IL31RA: variants seen among roughly 807,000 people sequenced by gnomAD.
The protein encoded by IL31RA is interleukin 31 receptor A.
IL31RA carries 66 observed loss-of-function variants against 83.7 expected under a neutral mutation model. The observed-to-expected ratio is 0.79, with a 90% CI of 0.65 to 0.97. The LOEUF (loss-of-function observed/expected upper bound fraction) is 0.97. Ranked by LOEUF, IL31RA falls within the 50% of genes least tolerant of loss-of-function variation. IL31RA has a pLI of 0.00. For missense variants in IL31RA, 798 were observed against 919.4 expected, an observed-to-expected ratio of 0.87 and a Z score of 1.71; for synonymous variants, 325 against 329.0, an observed-to-expected ratio of 0.99 and a Z score of 0.13.
At chr5:55,874,649 G>T (rs977508129) in intron 4 of IL31RA, among the ~76,000 whole-genome samples, 1 of 151,932 alleles carries the variant, frequency 6.6e-6, no homozygotes. Context: ...AAATGGAATT[G>T]CTTTCTTAAT....
intron 2 of IL31RA, among the ~76,000 whole-genome samples, chr5:55,864,974 G>A (rs1035628007): frequency 4.6e-5 from 7 of 152,150 alleles, no homozygotes; most frequent in Non-Finnish European, 1.0e-4. Flanking sequence ...CAGGGAGTGA[G>A]TGGGACAGTG....
intron 2 of IL31RA, among the ~76,000 whole-genome samples, chr5:55,865,556 C>A (rs77755266): frequency 0.056 from 8,533 of 152,166 alleles, 495 homozygotes; most frequent in African/African-American, 0.15. Flanking sequence ...CAAAACAAAA[C>A]AATGAATGCT....
chr5:55,900,161 G>A, intron 8 of IL31RA, 29 bp downstream of exon 8: 1 of 1,510,224 alleles, frequency 6.6e-7, no homozygotes, highest in Non-Finnish European at 9.2e-7. Flanking sequence ...TCTTCCTTAG[G>A]TGCCTGGTCC....
At position 55,851,496 on chromosome 5, in the gene IL31RA, T is replaced by C; in HGVS notation, c.-75T>C. On this transcript the variant is annotated 5_prime_UTR_variant, in exon 1 of 15. It removes an upstream start codon present in the reference 5' UTR. Transcript: ENST00000652347. The stretch of plus-strand genomic sequence containing the variant: ...AACCAGCATGGCACTAAATAGACCA[T>C]GAAAAGACATGTGTGTGCAGTATGA... 2 of 1,613,466 alleles carry C rather than the reference T, an allele frequency of 1.2e-6. No individual in the cohort carries two copies. Among genetic ancestry groups the C allele is most frequent in the Non-Finnish European group, 8.5e-7 (1 of 1,179,662 alleles).
chr5:55,846,587 A>G (rs749173083), upstream of IL31RA, among the ~76,000 whole-genome samples: 2 of 152,204 alleles, frequency 1.3e-5, no homozygotes, highest in African/African-American at 4.8e-5. Context: ...TCACGAGGTC[A>G]GGAGTTCGAG....
chr5:55,907,396 G>A lies in IL31RA; in HGVS notation c.1290G>A (p.Val430=), dbSNP rs765964065. The A allele has an allele frequency of 9.9e-6, 16 of 1,613,640 alleles. No individual in the cohort carries two copies. In the East Asian group the frequency reaches 3.6e-4, roughly 36 times the overall value. ...LKPFWCYNIS[V]YPMLHDKVGE... ...CTTTCTGGTGCTATAACATCTCTGT[G>A]TATCCAATGTTGCATGACAAAGTTG... Residue 430 remains valine (V), a synonymous_variant, in exon 10 of 15, where the codon GTG becomes GTA. Coordinates refer to ENST00000652347, the MANE Select transcript of IL31RA (RefSeq NM_139017.7).
At position 55,918,259 on chromosome 5, in the gene IL31RA, C is replaced by T. The variant is rs533340732; in HGVS notation, c.*1139C>T. The stretch of plus-strand genomic sequence containing the variant: ...GCAGGCGAGGCAATGAGTGAGTGGC[C>T]CAAGGTGCAGTGAACCCAGCACTTG... On this transcript the variant is annotated 3_prime_UTR_variant, in exon 15 of 15. Transcript: ENST00000652347. Among the ~76,000 whole-genome samples the T allele has an allele frequency of 7.2e-5, 11 of 152,194 alleles. No homozygotes were observed. Among genetic ancestry groups the T allele is most frequent in the East Asian group, 3.9e-4 (2 of 5,180 alleles).
At chr5:55,902,060 A>G (rs1748855333) in intron 8 of IL31RA, among the ~76,000 whole-genome samples, 2 of 152,202 alleles carry the variant, frequency 1.3e-5, no homozygotes, top group African/African-American at 4.8e-5. Context: ...CGACTGTGTG[A>G]TCATCAATTA....
Position 55,914,946 on chromosome 5 carries a change from T to A in IL31RA, c.1818+18T>A. 6.4e-7 allele frequency: 1 copy of A among 1,568,120 alleles called. No homozygotes were observed. Among genetic ancestry groups the A allele is most frequent in the South Asian group, 1.1e-5 (1 of 90,082 alleles). Reference sequence around the variant, plus strand: ...ATTTCAAGGTAAACTCTCCTGTTTTTATTAAGGAAATCATTGCCGTGGGAG... The same window carrying A: ...ATTTCAAGGTAAACTCTCCTGTTTTAATTAAGGAAATCATTGCCGTGGGAG... On this transcript the variant is annotated intron_variant, in intron 14 of 14. Transcript: ENST00000652347.
chr5:55,873,947 A>T (rs908137647), intron 4 of IL31RA, among the ~76,000 whole-genome samples: 1 of 152,116 alleles, frequency 6.6e-6, no homozygotes, highest in Non-Finnish European at 1.5e-5. Context: ...TGTCATATCT[A>T]AGAAACCATT....
chr5:55,849,953 A>G (rs1745014433), upstream of IL31RA, among the ~76,000 whole-genome samples: 1 of 152,172 alleles, frequency 6.6e-6, no homozygotes, highest in Admixed American at 6.5e-5. Context: ...CAGTTTCAAG[A>G]ACGTTGTTTT....
At chr5:55,855,283 A>G (rs1371340723) in intron 1 of IL31RA, among the ~76,000 whole-genome samples, 2 of 151,376 alleles carry the variant, frequency 1.3e-5, no homozygotes, top group Non-Finnish European at 2.9e-5. Flanking sequence ...AGCTAGGACT[A>G]CAGGTGTGCA....
At chr5:55,897,223 C>T (rs1355365573) in intron 7 of IL31RA, among the ~76,000 whole-genome samples, 2 of 149,190 alleles carry the variant, frequency 1.3e-5, no homozygotes, top group African/African-American at 5.0e-5. Flanking sequence ...ATTTTACCCC[C>T]AGAATTTCCT....
At chr5:55,889,090 T>C (rs1212756771) in intron 5 of IL31RA, among the ~76,000 whole-genome samples, 1 of 152,232 alleles carries the variant, frequency 6.6e-6, no homozygotes, top group African/African-American at 2.4e-5. Flanking sequence ...AAATAAGCTT[T>C]ATAAACCTTT....
chr5:55,891,656 A>G (rs1478800207), intron 6 of IL31RA, among the ~76,000 whole-genome samples: 1 of 151,862 alleles, frequency 6.6e-6, no homozygotes, highest in Admixed American at 6.6e-5. Flanking sequence ...CCACCTGGCT[A>G]ATCCAAGATA....
chr5:55,915,701 T>C (rs1030629179), intron 14 of IL31RA, among the ~76,000 whole-genome samples: 65 of 152,222 alleles, frequency 4.3e-4, no homozygotes, highest in African/African-American at 1.5e-3. Context: ...CCTCCTCTTA[T>C]CAGTCCGGTA....
At position 55,868,804 on chromosome 5, in the gene IL31RA, G is replaced by A; in HGVS notation, c.168G>A (p.Lys56=). The change falls in exon 3 of 15, where the codon AAG becomes AAA. Residue 56 remains lysine, a synonymous_variant. Coordinates refer to ENST00000652347, the MANE Select transcript of IL31RA (RefSeq NM_139017.7). ...CKFSLAALPA[K]PENISCVYYY... is the part of the protein sequence containing the mutation. The stretch of plus-strand genomic sequence containing the variant: ...TAATTTATTTAGCTCTGCCAGCTAA[G>A]CCTGAGAACATTTCCTGTGTCTACT... 6.3e-7 allele frequency: 1 copy of A among 1,599,646 alleles called. No homozygotes were observed. The highest frequency in any genetic ancestry group is 1.1e-5 in the South Asian group (1 of 90,766).
At position 55,896,401 on chromosome 5, in the gene IL31RA, G is replaced by A. The variant is rs1278368610; in HGVS notation, c.824G>A (p.Gly275Glu). Reference protein sequence around the residue: ...WRVLKPAEADGRRPVRLLWKK... With the variant: ...WRVLKPAEADERRPVRLLWKK... ...GTCCTGAAACCAGCTGAGGCGGATG[G>A]AAGAAGGCCAGTGCGGTTGTTATGG... Residue 275 changes from glycine (G) to glutamate (E), a missense_variant, in exon 7 of 15, where the codon GGA (glycine) becomes GAA (glutamate). By Grantham distance (98) the Gly-to-Glu change is moderately conservative. Coordinates refer to ENST00000652347, the MANE Select transcript of IL31RA (RefSeq NM_139017.7). 6.2e-7 allele frequency: 1 copy of A among 1,613,678 alleles called. No homozygotes were observed. Among genetic ancestry groups the A allele is most frequent in the Admixed American group, 1.7e-5 (1 of 60,018 alleles).
chr5:55,922,718 A>G lies in IL31RA; in HGVS notation c.*5598A>G, dbSNP rs1169432192. 2.3e-6 allele frequency: 1 copy of G among 443,544 alleles called. No individual in the cohort carries two copies. The highest frequency in any genetic ancestry group is 3.9e-5 in the Admixed American group (1 of 25,966). The allele number at this position is 443,544 out of a possible 1,614,324, so 27.5% of individuals were successfully genotyped here. ...TTTCATACAAAAAAGCCATAATACC[A>G]TTTTCATGTAATGCTATACTTCTAT... is the stretch of plus-strand genomic sequence containing the variant. On this transcript the variant is annotated 3_prime_UTR_variant, in exon 15 of 15. Transcript: ENST00000652347.
Sources: allele counts gnomAD v4.1 joint callset (sites outside exome capture counted in the v4.1 genomes callset), GRCh38; gene constraint gnomAD v4.1.1; transcripts MANE v1.5; gene names NCBI Gene and HGNC (gene_info 2026-07-23, HGNC 2026-07-21).